Variants in PSIP1 observed in about 807,000 individuals in gnomAD.
PSIP1 encodes the protein PC4 and SRSF1 interacting protein 1, also known as PC4 and SFRS1-interacting protein.
Under a neutral mutation model 74.7 loss-of-function variants are expected in PSIP1, and 19 were observed. The ratio of observed to expected loss-of-function variants is 0.25; its 90% confidence interval spans 0.18 to 0.37. PSIP1 has a LOEUF of 0.37. Among genes scored for constraint, PSIP1 ranks in the 10% least tolerant of loss-of-function variants. The pLI is 1.00. For synonymous variants in PSIP1, 222 were observed against 195.3 expected (o/e 1.14, Z -1.14); for missense variants, 601 against 614.3 (o/e 0.98, Z 0.23).
At chr9:15,489,965 A>G (rs1471009981) in intron 4 of PSIP1, 21 bp downstream of exon 4, 22 of 1,509,824 alleles carry the variant, frequency 1.5e-5, no homozygotes, top group Non-Finnish European at 1.9e-5. Context: ...GTAATATCAA[A>G]TTTTATGTAA....
chr9:15,494,842 T>C (rs1260735211), intron 3 of PSIP1, among the ~76,000 whole-genome samples: 2 of 152,098 alleles, frequency 1.3e-5, no homozygotes, highest in Non-Finnish European at 2.9e-5. Context: ...AATCTCAAAT[T>C]AGAAAAATTA....
rs1278629030 is a variant in PSIP1 at position 15,469,304 on chromosome 9, G to T, written c.1066C>A (p.His356Asn). Residue 356 changes from histidine (H) to asparagine (N), a missense_variant, in exon 12 of 16, where the codon CAT becomes AAT. His to Asn is a moderately conservative substitution (Grantham distance 68). Coordinates refer to ENST00000380733, the MANE Select transcript of PSIP1 (RefSeq NM_033222.5). Reference protein sequence around the residue: ...TSMDSRLQRIHAEIKNSLKID... With the variant: ...TSMDSRLQRINAEIKNSLKID... ...TTGAGTGAATTTTTAATCTCAGCAT[G>T]TATCCTTTGAAGTCGAGAATCCATT... 1 of 1,573,164 alleles carries T rather than the reference G, an allele frequency of 6.4e-7. No individual in the cohort carries two copies. Among genetic ancestry groups the T allele is most frequent in the Non-Finnish European group, 8.6e-7 (1 of 1,156,538 alleles).
intron 15 of PSIP1, among the ~76,000 whole-genome samples, chr9:15,466,289 G>T (rs1159058558): frequency 6.6e-6 from 1 of 152,204 alleles, no homozygotes; most frequent in African/African-American, 2.4e-5. Context: ...TGAGGCAGGA[G>T]AATCGCTTGA....
chr9:15,501,893 A>C (rs989003019), intron 3 of PSIP1, among the ~76,000 whole-genome samples: 4 of 145,750 alleles, frequency 2.7e-5, no homozygotes, highest in Non-Finnish European at 5.9e-5. Flanking sequence ...CATATACTTT[A>C]AATCTGGGGT....
At chr9:15,487,759 T>A (rs2036617296) in intron 4 of PSIP1, among the ~76,000 whole-genome samples, 1 of 152,214 alleles carries the variant, frequency 6.6e-6, no homozygotes, top group Non-Finnish European at 1.5e-5. Context: ...TAGCTATTCT[T>A]CTCACACGTG....
chr9:15,471,877 CAAAA>C, intron 10 of PSIP1: 2 of 982,198 alleles, frequency 2.0e-6, no homozygotes, highest in South Asian at 9.4e-5. Context: ...AACAAAAAAA[CAAAA>C]TTTAGTCAGA....
Position 15,478,127 on chromosome 9 carries a change from TAAAAAAAAAAAA to T in PSIP1, c.629+338_629+349del, listed in dbSNP as rs570873100. Among the ~76,000 whole-genome samples the T allele has an allele frequency of 1.8e-4, 19 of 108,212 alleles. No homozygotes were observed. The East Asian group carries it at 3.5e-3, about 20-fold the overall frequency. 71.0% of individuals were successfully genotyped at this position (108,212 alleles called of 152,430 possible). The stretch of plus-strand genomic sequence containing the variant: ...GGGCGACAGAGTGAAACCCCATCTT[TAAAAAAAAAAAA>T]AAAAAAAAAAAAATTTGTGACATTA... On this transcript the variant is annotated intron_variant, in intron 8 of 15. Coordinates refer to ENST00000380733, the MANE Select transcript of PSIP1 (RefSeq NM_033222.5).
At chr9:15,510,079 G>GGTA (rs2037785879) in intron 2 of PSIP1, 38 bp downstream of exon 2, 1 of 1,576,242 alleles carries the variant, frequency 6.3e-7, no homozygotes. Flanking sequence ...TGGAGAGGAG[G>GGTA]GTAGCACTGC....
At chr9:15,486,428 G>C (rs1311071692) in intron 5 of PSIP1, among the ~76,000 whole-genome samples, 1 of 152,104 alleles carries the variant, frequency 6.6e-6, no homozygotes, top group Non-Finnish European at 1.5e-5. Context: ...ATTTCATTAG[G>C]CCTGGAAGGG....
In PSIP1 at chr9:15,466,781, C is replaced by T; in HGVS notation, c.1499G>A (p.Ser500Asn). 6.2e-7 allele frequency: 1 copy of T among 1,613,130 alleles called. No individual in the cohort carries two copies. The highest frequency in any genetic ancestry group is 1.1e-5 in the South Asian group (1 of 90,842). The change falls in exon 15 of 16, where the codon AGC (serine) becomes AAC (asparagine). Residue 500 changes from serine to asparagine, a missense_variant. Transcript: ENST00000380733. ...CGTGCTGGCTTCATGGTTGTCTTTG[C>T]TGTCTTCATTGCTCTCCCCGTTATG... The part of the protein sequence containing the change: ...PQHNGESNED[S>N]KDNHEASTKK...
chr9:15,466,482 T>G (rs1321618110), intron 15 of PSIP1, among the ~76,000 whole-genome samples: 1 of 152,242 alleles, frequency 6.6e-6, no homozygotes, highest in African/African-American at 2.4e-5. Context: ...ACTAACAGTA[T>G]CTCAGTAAAA....
chr9:15,474,587 T>C (rs1420099588), intron 8 of PSIP1, among the ~76,000 whole-genome samples: 3 of 152,134 alleles, frequency 2.0e-5, no homozygotes, highest in African/African-American at 7.2e-5. Context: ...GGTCCCAACT[T>C]AAGCATATGA....
At chr9:15,504,039 C>T (rs909720251) in intron 3 of PSIP1, among the ~76,000 whole-genome samples, 1 of 152,136 alleles carries the variant, frequency 6.6e-6, no homozygotes, top group African/African-American at 2.4e-5. Flanking sequence ...GCCACCGCGC[C>T]CAGCCCAAAA....
chr9:15,481,801 T>C (rs965561554), intron 6 of PSIP1, among the ~76,000 whole-genome samples: 1 of 152,176 alleles, frequency 6.6e-6, no homozygotes, highest in African/African-American at 2.4e-5. Flanking sequence ...AGATCAGCCC[T>C]ACCATGCACG....
chr9:15,472,853 G>A, intron 9 of PSIP1, 103 bp from the exon 10 acceptor site: 3 of 1,084,340 alleles, frequency 2.8e-6, no homozygotes, highest in Non-Finnish European at 4.0e-6. Flanking sequence ...TTTTAAAAAA[G>A]GGATGAATAC....
rs1413646864 is a variant in PSIP1 at position 15,468,648 on chromosome 9, G to C, written c.1402C>G (p.Leu468Val). ...CACATACCTGTTTGTTCCTTCTCTA[G>C]CTTTTTGTTTGGCCCTTTCTTCCCT... ...DQGKKGPNKK[L>V]EKEQTGSKTL... The change falls in exon 14 of 16, where the codon CTA (leucine) becomes GTA (valine). Residue 468 changes from leucine to valine, a missense_variant. By Grantham distance (32) the Leu-to-Val change is conservative. Coordinates refer to ENST00000380733, the MANE Select transcript of PSIP1 (RefSeq NM_033222.5). The C allele has an allele frequency of 1.9e-6, 3 of 1,613,868 alleles. No individual in the cohort carries two copies. The East Asian group carries it at 6.7e-5, about 36-fold the overall frequency.
intron 2 of PSIP1, among the ~76,000 whole-genome samples, chr9:15,507,089 C>CTA (rs1403895485): frequency 6.6e-6 from 1 of 152,184 alleles, no homozygotes; most frequent in African/African-American, 2.4e-5. Context: ...AAATAACAGA[C>CTA]TAATGTAAAA....
intron 4 of PSIP1, among the ~76,000 whole-genome samples, chr9:15,488,631 A>T (rs2036663782): frequency 6.6e-6 from 1 of 152,208 alleles, no homozygotes; most frequent in Non-Finnish European, 1.5e-5. Flanking sequence ...CTAAGCCTAT[A>T]ATCCCAGCAC....
rs1563897791 is a variant in PSIP1 at position 15,501,863 on chromosome 9, ATAT to A, written c.149+4695_149+4697del. Among the ~76,000 whole-genome samples, 32 of 148,604 alleles carry A rather than the reference ATAT, an allele frequency of 2.2e-4. 1 individual carries two copies. The East Asian group carries it at 5.5e-3, about 26-fold the overall frequency. On this transcript the variant is annotated intron_variant, in intron 3 of 15. Coordinates refer to ENST00000380733, the MANE Select transcript of PSIP1 (RefSeq NM_033222.5). ...AGCATATATATATATATATATATAT[ATAT>A]AAAACGCACACCCTCCCATATACTT...
Sources: allele counts gnomAD v4.1 joint callset (sites outside exome capture counted in the v4.1 genomes callset), GRCh38; gene constraint gnomAD v4.1.1; transcripts MANE v1.5; gene names NCBI Gene and HGNC (gene_info 2026-07-23, HGNC 2026-07-21).